LGR4: variants seen among roughly 807,000 people sequenced by gnomAD.
LGR4 encodes leucine rich repeat containing G protein-coupled receptor 4.
A neutral mutation model predicts 84.8 loss-of-function variants in LGR4; 44 were observed. The ratio of observed to expected loss-of-function variants is 0.52; its 90% confidence interval spans 0.41 to 0.67. LGR4 has a LOEUF of 0.67. LGR4 is among the 30% of genes least tolerant of loss of function. LGR4 has a pLI of 0.00. For synonymous variants in LGR4, 429 were observed against 434.3 expected (o/e 0.99, Z 0.15); for missense variants, 1,032 against 1,131.4 (o/e 0.91, Z 1.26).
chr11:27,472,250 G>A lies in LGR4; in HGVS notation c.53C>T (p.Ser18Leu), dbSNP rs1462232131. The A allele has an allele frequency of 6.1e-6, 8 of 1,318,302 alleles. No individual in the cohort carries two copies. The African/African-American group carries it at 7.8e-5, about 13-fold the overall frequency. The allele number at this position is 1,318,302 out of a possible 1,614,324, so 81.7% of individuals were successfully genotyped here. ...CGGCGCCGCGCCGCTGGGCCCGGCC[G>A]AGCCGAGCAGCCCCAGGGCGAGGAA... is the stretch of plus-strand genomic sequence containing the variant. ...LCFLALGLLG[S>L]AGPSGAAPPL... The change falls in exon 1 of 18, where the codon TCG becomes TTG. Residue 18 changes from serine (S) to leucine (L), a missense_variant. Physicochemically the swap from Ser to Leu is moderately radical, Grantham distance 145 (BLOSUM62 -2). Coordinates refer to ENST00000379214, the MANE Select transcript of LGR4 (RefSeq NM_018490.5).
intron 6 of LGR4, 39 bp from the exon 7 acceptor site, chr11:27,382,295 T>C: frequency 1.5e-6 from 2 of 1,305,454 alleles, no homozygotes. Context: ...AAATATTAAA[T>C]AGTGGTCATA....
chr11:27,381,093 C>A (rs1863084629), intron 7 of LGR4, 127 bp from the exon 8 acceptor site: 3 of 556,370 alleles, frequency 5.4e-6, no homozygotes, highest in Non-Finnish European at 9.8e-6. Flanking sequence ...TTTTCAAAAG[C>A]ATAGGAAATC....
At position 27,455,079 on chromosome 11, in the gene LGR4, A is replaced by C. The variant is rs186873018; in HGVS notation, c.185+17039T>G. The stretch of plus-strand genomic sequence containing the variant: ...TTTTCCAGGTCTCACTTTGTCACCC[A>C]TGCTGGAGTGCAGTGGCACCATCAT... On this transcript the variant is annotated intron_variant, in intron 1 of 17. Transcript: ENST00000379214. Among the ~76,000 whole-genome samples, 329 of 152,256 alleles carry C rather than the reference A, an allele frequency of 2.2e-3. 1 individual carries two copies. The highest frequency in any genetic ancestry group is 6.4e-3 in the African/African-American group (264 of 41,544).
chr11:27,472,020 C>T, intron 1 of LGR4, 98 bp downstream of exon 1: 2 of 870,956 alleles, frequency 2.3e-6, no homozygotes, highest in Non-Finnish European at 3.0e-6. Context: ...GGCGGCGGGG[C>T]GGGGTGGGGT....
chr11:27,434,620 G>A (rs1332331361), intron 1 of LGR4, among the ~76,000 whole-genome samples: 2 of 152,116 alleles, frequency 1.3e-5, no homozygotes, highest in Non-Finnish European at 1.5e-5. Context: ...GATACTAAAC[G>A]CAGTGGCTAA....
intron 1 of LGR4, among the ~76,000 whole-genome samples, chr11:27,466,214 C>T (rs941381441): frequency 6.6e-6 from 1 of 152,060 alleles, no homozygotes; most frequent in African/African-American, 2.4e-5. Context: ...CTCAAGTATA[C>T]CAACAAATAC....
intron 2 of LGR4, among the ~76,000 whole-genome samples, chr11:27,408,191 A>AT (rs1217973670): frequency 6.6e-6 from 1 of 152,104 alleles, no homozygotes; most frequent in Non-Finnish European, 1.5e-5. Flanking sequence ...TTTTTATTTG[A>AT]TTTTAAACCT....
rs766136722 is a variant in LGR4, at chr11:27,367,840, G to A, written c.*27C>T. ...TCTATAAACACTGATTTTGGTTGAC[G>A]GGGGAAACGGTTACACACACAGTAG... On this transcript the variant is annotated 3_prime_UTR_variant, in exon 18 of 18. Transcript: ENST00000379214. 54 of 1,518,152 alleles carry A rather than the reference G, an allele frequency of 3.6e-5. No individual in the cohort carries two copies. Among genetic ancestry groups the A allele is most frequent in the Middle Eastern group, 3.5e-4 (2 of 5,678 alleles). 94.0% of individuals were successfully genotyped at this position (1,518,152 alleles called of 1,614,324 possible). A position where few individuals can be genotyped will look rare whatever the true frequency, so the allele number is the denominator to read the frequency against.
intron 1 of LGR4, among the ~76,000 whole-genome samples, chr11:27,442,842 G>T (rs1207208246): frequency 1.3e-5 from 2 of 152,176 alleles, no homozygotes; most frequent in African/African-American, 2.4e-5. Flanking sequence ...AAATCTGGAA[G>T]GAAGAAGACT....
chr11:27,386,582 C>T lies in LGR4; in HGVS notation c.402-1114G>A, dbSNP rs572046726. ...TCTGAGTTTTAGAGTGGTTTTTGTG[C>T]CTCCTGTTTCCTTGCGCTGTTCCAA... On this transcript the variant is annotated intron_variant, in intron 4 of 17. Transcript: ENST00000379214. 6.8e-4 allele frequency among the ~76,000 whole-genome samples: 104 copies of T among 152,212 alleles called. 3 individuals are homozygous for T. The South Asian group carries it at 0.021, about 31-fold the overall frequency.
chr11:27,408,250 T>C (rs1312147763), intron 2 of LGR4, among the ~76,000 whole-genome samples: 1 of 152,168 alleles, frequency 6.6e-6, no homozygotes, highest in African/African-American at 2.4e-5. Flanking sequence ...AGTAATTCCA[T>C]TTAGAATTAA....
chr11:27,380,897 A>G lies in LGR4; in HGVS notation c.828T>C (p.Thr276=), dbSNP rs1449019075. Reference sequence around the variant, plus strand: ...AAGAAACTTTCAAAAATACTTACATAGTTCTTAAGAGTGGATTACCATCAA... The same window carrying G: ...AAGAAACTTTCAAAAATACTTACATGGTTCTTAAGAGTGGATTACCATCAA... ...GAFDGNPLLR[T]IHLYDNPLSF... is the part of the protein sequence containing the mutation. Residue 276 remains threonine (T), a splice_region_variant and synonymous_variant, in exon 8 of 18, where the codon ACT becomes ACC. Transcript: ENST00000379214. The G allele has an allele frequency of 6.6e-7, 1 of 1,519,162 alleles. No individual in the cohort carries two copies. The highest frequency in any genetic ancestry group is 1.7e-5 in the Admixed American group (1 of 59,286). 94.1% of individuals were successfully genotyped at this position (1,519,162 alleles called of 1,614,324 possible).
At chr11:27,380,598 C>A (rs762194059) in intron 9 of LGR4, 42 bp downstream of exon 9, 1 of 1,278,972 alleles carries the variant, frequency 7.8e-7, no homozygotes, top group East Asian at 2.3e-5. Flanking sequence ...ACTAAAACAA[C>A]TGTATAAATA....
At chr11:27,433,396 T>A (rs1864148904) in intron 1 of LGR4, among the ~76,000 whole-genome samples, 1 of 83,850 alleles carries the variant, frequency 1.2e-5, no homozygotes, top group Non-Finnish European at 2.5e-5. Context: ...TATTTTTATT[T>A]CTTTTTTTTT....
chr11:27,469,121 T>C (rs991745888), intron 1 of LGR4, among the ~76,000 whole-genome samples: 9 of 152,142 alleles, frequency 5.9e-5, no homozygotes, highest in Non-Finnish European at 1.2e-4. Context: ...TGACACAAGA[T>C]TGAATACTGT....
At chr11:27,470,787 G>A (rs1275657637) in intron 1 of LGR4, among the ~76,000 whole-genome samples, 2 of 151,270 alleles carry the variant, frequency 1.3e-5, no homozygotes, top group African/African-American at 4.9e-5. Context: ...GGGAGGGGAA[G>A]GCTGAAGGTA....
At chr11:27,402,445 GGC>G (rs1863521984) in intron 2 of LGR4, among the ~76,000 whole-genome samples, 1 of 152,068 alleles carries the variant, frequency 6.6e-6, no homozygotes, top group South Asian at 2.1e-4. Context: ...TTGACGACGT[GGC>G]TGAGCAACTC....
At chr11:27,383,672 AC>A (rs1232617634) in intron 6 of LGR4, among the ~76,000 whole-genome samples, 1 of 152,206 alleles carries the variant, frequency 6.6e-6, no homozygotes, top group Non-Finnish European at 1.5e-5. Flanking sequence ...TGTAATTGGG[AC>A]CTTCTCTGAA....
At chr11:27,461,657 T>C (rs1488137332) in intron 1 of LGR4, among the ~76,000 whole-genome samples, 1 of 151,288 alleles carries the variant, frequency 6.6e-6, no homozygotes. Flanking sequence ...GCTCATCAAC[T>C]ATTGTTACCG....
Sources: gnomAD v4.1 joint callset for allele counts (sites outside exome capture counted in the v4.1 genomes callset) on GRCh38, gnomAD v4.1.1 for gene constraint, MANE v1.5 for transcripts, NCBI Gene and HGNC (gene_info 2026-07-23, HGNC 2026-07-21) for gene names.